ALDH1A2: variants seen among roughly 807,000 people sequenced by gnomAD.
The protein encoded by ALDH1A2 is retinal dehydrogenase 2.
In ALDH1A2, 27 loss-of-function variants were observed where a neutral mutation model predicts 60.3. That is an observed-to-expected ratio of 0.45 (90% CI 0.33 to 0.62). ALDH1A2 has a LOEUF of 0.62. Among genes scored for constraint, ALDH1A2 ranks in the 20% least tolerant of loss-of-function variants. The probability of loss-of-function intolerance (pLI) is 0.02; values close to 1 mark genes in which losing one functional copy is unlikely to be tolerated. For synonymous variants in ALDH1A2, 289 were observed against 232.4 expected, an observed-to-expected ratio of 1.24 and a Z score of -2.21; for missense variants, 581 against 643.8, an observed-to-expected ratio of 0.90 and a Z score of 1.06.
intron 1 of ALDH1A2, among the ~76,000 whole-genome samples, chr15:58,037,371 G>A (rs1268133302): frequency 6.6e-6 from 1 of 151,576 alleles, no homozygotes; most frequent in African/African-American, 2.4e-5. Context: ...AGAGGAAACA[G>A]GAAGAAGAGA....
chr15:57,984,542 T>A (rs1894632583), intron 7 of ALDH1A2, among the ~76,000 whole-genome samples: 1 of 152,182 alleles, frequency 6.6e-6, no homozygotes, highest in South Asian at 2.1e-4. Context: ...ATTCTCCCAG[T>A]CCTTTGCAAC....
intron 3 of ALDH1A2, 73 bp from the exon 4 acceptor site, chr15:58,010,851 G>C (rs1230972404): frequency 5.1e-6 from 8 of 1,570,748 alleles, no homozygotes; most frequent in African/African-American, 1.4e-5. Context: ...TAGAGCAGAA[G>C]AAAAAAGGAA....
At chr15:57,977,339 T>C (rs764150027) in intron 7 of ALDH1A2, among the ~76,000 whole-genome samples, 17 of 152,228 alleles carry the variant, frequency 1.1e-4, no homozygotes, top group East Asian at 3.8e-4. Flanking sequence ...CTGAATGGTA[T>C]TGCCTAGGTT....
chr15:58,026,565 A>C (rs1221556810), intron 1 of ALDH1A2, among the ~76,000 whole-genome samples: 1 of 152,172 alleles, frequency 6.6e-6, no homozygotes, highest in Non-Finnish European at 1.5e-5. Flanking sequence ...AGGGTGGGAC[A>C]TCACCTCACC....
intron 1 of ALDH1A2, among the ~76,000 whole-genome samples, chr15:58,064,128 A>G (rs919471818): frequency 4.6e-5 from 4 of 87,078 alleles, no homozygotes; most frequent in Admixed American, 2.2e-4. Context: ...TAAGACCTTT[A>G]AAAAGAGCCT....
chr15:57,987,068 A>T (rs1894727711), intron 7 of ALDH1A2, among the ~76,000 whole-genome samples: 1 of 152,186 alleles, frequency 6.6e-6, no homozygotes, highest in Non-Finnish European at 1.5e-5. Flanking sequence ...AACTTAACAA[A>T]ATCTCTGAAG....
chr15:57,997,973 C>G (rs1463701132), intron 4 of ALDH1A2, among the ~76,000 whole-genome samples: 3 of 151,642 alleles, frequency 2.0e-5, no homozygotes, highest in Non-Finnish European at 4.4e-5. Flanking sequence ...AGAAAGGAGG[C>G]TACTTTCAAT....
intron 12 of ALDH1A2, among the ~76,000 whole-genome samples, chr15:57,956,604 A>G (rs1015065440): frequency 1.5e-4 from 23 of 152,156 alleles, no homozygotes; most frequent in African/African-American, 5.3e-4. Context: ...CGCTTAAAGC[A>G]ATGAGAGAAA....
chr15:57,962,226 G>T (rs1431333285), intron 9 of ALDH1A2, 50 bp from the exon 10 acceptor site: 2 of 1,593,120 alleles, frequency 1.3e-6, no homozygotes, highest in East Asian at 4.5e-5. Flanking sequence ...CTATGAAAAT[G>T]GAAATAAGTA....
intron 1 of ALDH1A2, among the ~76,000 whole-genome samples, chr15:58,018,952 T>C (rs55665781): frequency 2.0e-5 from 3 of 151,994 alleles, no homozygotes; most frequent in African/African-American, 7.2e-5. Flanking sequence ...GGAAAAAAAA[T>C]ACATATTATT....
intron 4 of ALDH1A2, among the ~76,000 whole-genome samples, chr15:58,001,207 G>A (rs182025076): frequency 3.9e-5 from 6 of 151,956 alleles, no homozygotes; most frequent in Non-Finnish European, 5.9e-5. Flanking sequence ...TAAGTCCAAA[G>A]TGGCACCACT....
chr15:58,002,657 C>T (rs1367287341), intron 4 of ALDH1A2, among the ~76,000 whole-genome samples: 1 of 151,320 alleles, frequency 6.6e-6, no homozygotes, highest in African/African-American at 2.4e-5. Flanking sequence ...ACACTAAGAA[C>T]ACTACAAGAA....
intron 4 of ALDH1A2, among the ~76,000 whole-genome samples, chr15:57,996,685 C>T (rs1471286045): frequency 6.6e-6 from 1 of 151,842 alleles, no homozygotes; most frequent in Non-Finnish European, 1.5e-5. Context: ...CTTTTCATAT[C>T]TGTGGAATTT....
intron 1 of ALDH1A2, among the ~76,000 whole-genome samples, chr15:58,053,379 C>G (rs1168742996): frequency 6.6e-6 from 1 of 152,060 alleles, no homozygotes; most frequent in Non-Finnish European, 1.5e-5. Flanking sequence ...AAAAAGCATG[C>G]TATCATTTTA....
At chr15:57,994,722 G>C (rs1251470184) in intron 5 of ALDH1A2, among the ~76,000 whole-genome samples, 1 of 152,130 alleles carries the variant, frequency 6.6e-6, no homozygotes, top group African/African-American at 2.4e-5. Flanking sequence ...AATATGCCTG[G>C]AAGGATGGTG....
At chr15:57,955,363 T>G in intron 12 of ALDH1A2, 94 bp from the exon 13 acceptor site, 2 of 1,309,624 alleles carry the variant, frequency 1.5e-6, no homozygotes, top group Non-Finnish European at 2.2e-6. Flanking sequence ...GTTTATCACC[T>G]GCGAACAGCA....
intron 12 of ALDH1A2, among the ~76,000 whole-genome samples, chr15:57,957,674 C>G (rs1360568858): frequency 6.6e-6 from 1 of 152,050 alleles, no homozygotes; most frequent in Admixed American, 6.5e-5. Flanking sequence ...GGTTCTAGTC[C>G]CTAAGATAAA....
intron 1 of ALDH1A2, among the ~76,000 whole-genome samples, chr15:58,044,236 C>T (rs1233004875): frequency 6.6e-6 from 1 of 151,872 alleles, no homozygotes; most frequent in African/African-American, 2.4e-5. Context: ...GTTTGCTGCA[C>T]CTATCAACCT....
intron 7 of ALDH1A2, among the ~76,000 whole-genome samples, chr15:57,976,687 C>T (rs1306561351): frequency 1.3e-5 from 2 of 152,150 alleles, no homozygotes; most frequent in African/African-American, 4.8e-5. Flanking sequence ...GGGTTGGTTC[C>T]AAGTCCTTGC....
Sources: allele counts gnomAD v4.1 joint callset (sites outside exome capture counted in the v4.1 genomes callset), GRCh38; gene constraint gnomAD v4.1.1; transcripts MANE v1.5; gene names NCBI Gene and HGNC (gene_info 2026-07-23, HGNC 2026-07-21).